Variants in SCN9A observed in about 807,000 individuals in gnomAD.
The protein encoded by SCN9A is sodium voltage-gated channel alpha subunit 9, also known as sodium channel protein type 9 subunit alpha.
In SCN9A, 131 loss-of-function variants were observed where a neutral mutation model predicts 187.0. That is an observed-to-expected ratio of 0.70 (90% CI 0.61 to 0.81). The LOEUF is 0.81. Ranked by LOEUF, SCN9A falls within the 30% of genes least tolerant of loss-of-function variation. The probability of loss-of-function intolerance (pLI) is 0.00; values close to 1 mark genes in which losing one functional copy is unlikely to be tolerated. For missense variants in SCN9A, 2,252 were observed against 2,396.6 expected (o/e 0.94, Z 1.26); for synonymous variants, 809 against 808.6 (o/e 1.00, Z -0.01).
intron 1 of SCN9A, among the ~76,000 whole-genome samples, chr2:166,366,047 C>G (rs566049151): frequency 2.7e-4 from 41 of 152,218 alleles, no homozygotes; most frequent in African/African-American, 5.5e-4. Context: ...ACTCAGCAGC[C>G]GCTTACCACT....
intron 21 of SCN9A, 122 bp from the exon 22 acceptor site, chr2:166,229,094 C>T: frequency 1.4e-6 from 1 of 714,240 alleles, no homozygotes. Flanking sequence ...TCTAAGACAT[C>T]AAACCAACCA....
In SCN9A at chr2:166,361,330, C is replaced by A. The variant is rs147057677; in HGVS notation, c.-51+14367G>T. 7.2e-5 allele frequency among the ~76,000 whole-genome samples: 11 copies of A among 152,154 alleles called. No individual in the cohort carries two copies. In the East Asian group the frequency reaches 2.1e-3, roughly 29 times the overall value. On this transcript the variant is annotated intron_variant, in intron 1 of 26. Coordinates refer to ENST00000642356, the MANE Select transcript of SCN9A (RefSeq NM_001365536.1). ...TTATAATAGAAAAGCTTTTGTATTGCATATACAAAACCTTTTCTTCTTAGG... is the reference window on the plus strand; with the variant it reads ...TTATAATAGAAAAGCTTTTGTATTGAATATACAAAACCTTTTCTTCTTAGG...
chr2:166,249,732 C>T (rs1695953872), intron 18 of SCN9A, among the ~76,000 whole-genome samples: 1 of 151,994 alleles, frequency 6.6e-6, no homozygotes, highest in Non-Finnish European at 1.5e-5. Flanking sequence ...ATAACAGCAC[C>T]TACAGTCTGA....
chr2:166,280,399 T>C lies in SCN9A; in HGVS notation c.2301A>G (p.Pro767=). 6.3e-7 allele frequency: 1 copy of C among 1,588,952 alleles called. No individual in the cohort carries two copies. The highest frequency in any genetic ancestry group is 1.1e-5 in the South Asian group (1 of 87,190). Reference sequence around the variant, plus strand: ...GTACATTTTTGAATTCCTCAGTCATTGGGTGGTGTTCCATAGCCATAAATA... The same window carrying C: ...GTACATTTTTGAATTCCTCAGTCATCGGGTGGTGTTCCATAGCCATAAATA... ...NTLFMAMEHH[P]MTEEFKNVLA... The change falls in exon 14 of 27, where the codon CCA becomes CCG. Residue 767 remains proline (P), a synonymous_variant. Transcript: ENST00000642356.
intron 1 of SCN9A, among the ~76,000 whole-genome samples, chr2:166,333,538 G>A (rs909419267): frequency 2.6e-4 from 39 of 152,058 alleles, no homozygotes; most frequent in Admixed American, 2.0e-3. Context: ...TTCAGTGTTA[G>A]CCTTATAAGC....
chr2:166,205,009 G>A (rs1442107365), intron 24 of SCN9A: 1 of 152,174 alleles, frequency 6.6e-6, no homozygotes, highest in Non-Finnish European at 1.5e-5. Context: ...CGAAATAAAA[G>A]AGGACACAAA....
Position 166,196,763 on chromosome 2 carries a change from T to G in SCN9A, c.*1909A>C, listed in dbSNP as rs1323614890. ...TGATCTATGTAGTCTCGGAAAACAC[T>G]GCATGGTGTCTTTCATATTAAATTA... On this transcript the variant is annotated 3_prime_UTR_variant, in exon 27 of 27. Transcript: ENST00000642356. 2.0e-5 allele frequency: 3 copies of G among 152,102 alleles called. No homozygotes were observed. In the East Asian group the frequency reaches 5.8e-4, roughly 29 times the overall value. The allele number at this position is 152,102 out of a possible 1,614,324, so 9.4% of individuals were successfully genotyped here.
Position 166,276,969 on chromosome 2 carries a change from ATCT to A in SCN9A, c.2874+11_2874+13del, listed in dbSNP as rs386652353. The stretch of plus-strand genomic sequence containing the variant: ...CACAGAGAAATTAAAATGCATGAAC[ATCT>A]GGTTACATACCACCAGGTTTCCAAT... On this transcript the variant is annotated intron_variant, in intron 16 of 26. Coordinates refer to ENST00000642356, the MANE Select transcript of SCN9A (RefSeq NM_001365536.1). The A allele has an allele frequency of 0.01, 16,667 of 1,599,946 alleles. 666 individuals are homozygous for A. In the African/African-American group the frequency reaches 0.12, roughly 12 times the overall value.
intron 1 of SCN9A, among the ~76,000 whole-genome samples, chr2:166,319,653 T>A (rs898308358): frequency 2.0e-5 from 3 of 152,152 alleles, no homozygotes; most frequent in African/African-American, 7.2e-5. Flanking sequence ...TATTGTTAAA[T>A]TGTATCAGTT....
intron 1 of SCN9A, among the ~76,000 whole-genome samples, chr2:166,350,255 A>T (rs1700003508): frequency 6.6e-6 from 1 of 152,228 alleles, no homozygotes; most frequent in African/African-American, 2.4e-5. Context: ...GAGAGAGATT[A>T]TCAGAAAAAC....
rs191914888 is a variant in SCN9A at position 166,357,173 on chromosome 2, C to T, written c.-51+18524G>A. ...GTTCCCACCTATGTGTCCATGTGTT[C>T]TCATCATTTAGCTCTCACTTATAAG... On this transcript the variant is annotated intron_variant, in intron 1 of 26. Transcript: ENST00000642356. Among the ~76,000 whole-genome samples the T allele has an allele frequency of 8.6e-4, 131 of 152,258 alleles. No homozygotes were observed. The East Asian group carries it at 9.8e-3, about 11-fold the overall frequency.
intron 1 of SCN9A, among the ~76,000 whole-genome samples, chr2:166,359,269 T>C (rs946097242): frequency 1.3e-5 from 2 of 152,160 alleles, no homozygotes; most frequent in Non-Finnish European, 2.9e-5. Context: ...TTATTTTCAT[T>C]GGGATTGCAA....
At chr2:166,329,988 C>T (rs72884726) in intron 1 of SCN9A, among the ~76,000 whole-genome samples, 33,586 of 152,010 alleles carry the variant, frequency 0.22, 4,790 homozygotes, top group Non-Finnish European at 0.33. Context: ...TTGGCTTTGT[C>T]CTTCGATGGA....
Position 166,375,919 on chromosome 2 carries a change from C to G in SCN9A, c.-273G>C, listed in dbSNP as rs1234732093. 1 of 152,230 alleles carries G rather than the reference C, an allele frequency of 6.6e-6. No individual in the cohort carries two copies. Among genetic ancestry groups the G allele is most frequent in the Non-Finnish European group, 1.5e-5 (1 of 68,066 alleles). 9.4% of individuals were successfully genotyped at this position (152,230 alleles called of 1,614,324 possible). A position where few individuals can be genotyped will look rare whatever the true frequency, so the allele number is the denominator to read the frequency against. On this transcript the variant is annotated 5_prime_UTR_variant, in exon 1 of 27. Coordinates refer to ENST00000642356, the MANE Select transcript of SCN9A (RefSeq NM_001365536.1). Reference sequence around the variant, plus strand: ...GGAAAGCCGACAGCCGCCGCTGGAGCGCTGGCGACCGCCTGCAAGCAGACT... The same window carrying G: ...GGAAAGCCGACAGCCGCCGCTGGAGGGCTGGCGACCGCCTGCAAGCAGACT...
At chr2:166,298,631 C>A (rs1340258825) in intron 7 of SCN9A, 1 of 152,196 alleles carries the variant, frequency 6.6e-6, no homozygotes, top group African/African-American at 2.4e-5. Flanking sequence ...ATTGCCAATT[C>A]ATTTGCCTTA....
Position 166,286,434 on chromosome 2 carries a change from T to C in SCN9A, c.1504A>G (p.Lys502Glu), listed in dbSNP as rs1553490349. ...CTGATGCTGTCCTCTGATTCTGATT[T>C]CGACAATTTCTCAGCATCTCCCTTT... Reference protein sequence around the residue: ...EEKGDAEKLSKSESEDSIRRK... With the variant: ...EEKGDAEKLSESESEDSIRRK... Residue 502 changes from lysine (K) to glutamate (E), a missense_variant, in exon 11 of 27, where the codon AAA (lysine) becomes GAA (glutamate). Coordinates refer to ENST00000642356, the MANE Select transcript of SCN9A (RefSeq NM_001365536.1). 1 of 1,613,956 alleles carries C rather than the reference T, an allele frequency of 6.2e-7. No individual in the cohort carries two copies. Among genetic ancestry groups the C allele is most frequent in the Non-Finnish European group, 8.5e-7 (1 of 1,179,840 alleles).
In SCN9A at chr2:166,198,685, T is replaced by C. The variant is rs755850299; in HGVS notation, c.5954A>G (p.Glu1985Gly). Residue 1985 changes from glutamate to glycine, a missense_variant, in exon 27 of 27, where the codon GAA (glutamate) becomes GGA (glycine). Transcript: ENST00000642356. ...AAAAATGAAGCTCTATTTTTTGCTT[T>C]CCTTGCTGTCTTTCCCTTTGTCTTC... ...EKEDKGKDSK[E>G]SKK is the part of the protein sequence containing the mutation. 1.9e-6 allele frequency: 3 copies of C among 1,595,082 alleles called. No homozygotes were observed. In the Admixed American group the frequency reaches 5.3e-5, roughly 28 times the overall value.
chr2:166,282,582 A>T (rs1468536387), intron 12 of SCN9A, among the ~76,000 whole-genome samples: 2 of 152,170 alleles, frequency 1.3e-5, no homozygotes, highest in African/African-American at 4.8e-5. Context: ...ACACACACTC[A>T]CACACACATA....
rs33924683 is a variant in SCN9A, at chr2:166,228,247, C to CTTTTTTTTTTTTTTTTT, written c.4206+427_4206+443dup. On this transcript the variant is annotated intron_variant, in intron 22 of 26. Coordinates refer to ENST00000642356, the MANE Select transcript of SCN9A (RefSeq NM_001365536.1). ...GAACATGTTCTAGGAAAGACCAACA[C>CTTTTTTTTTTTTTTTTT]TTTTTTTTTTTTTTTTTTTTTTTTT... Among the ~76,000 whole-genome samples the CTTTTTTTTTTTTTTTTT allele has an allele frequency of 5.8e-4, 50 of 85,996 alleles. 3 individuals carry two copies. The highest frequency in any genetic ancestry group is 2.2e-3 in the African/African-American group (49 of 21,902). 56.4% of individuals were successfully genotyped at this position (85,996 alleles called of 152,430 possible).
Sources: gnomAD v4.1 joint callset for allele counts (sites outside exome capture counted in the v4.1 genomes callset) on GRCh38, gnomAD v4.1.1 for gene constraint, MANE v1.5 for transcripts, NCBI Gene and HGNC (gene_info 2026-07-23, HGNC 2026-07-21) for gene names.